The following TMEM267 variants were observed in gnomAD, a reference collection of about 807,000 sequenced individuals.
The protein encoded by TMEM267 is transmembrane protein C5orf28.
TMEM267 carries 20 observed loss-of-function variants against 19.3 expected under a neutral mutation model. The observed-to-expected ratio is 1.04, with a 90% confidence interval of 0.73 to 1.51. The LOEUF (loss-of-function observed/expected upper bound fraction) is 1.51. Among genes scored for constraint, TMEM267 ranks in the 40% most tolerant of loss-of-function variants. The pLI is 0.00. For synonymous variants in TMEM267, 88 were observed against 90.3 expected (o/e 0.97, Z 0.15); for missense variants, 242 against 261.9 (o/e 0.92, Z 0.52).
intron 1 of TMEM267, among the ~76,000 whole-genome samples, chr5:43,472,879 C>T (rs1189882943): frequency 1.3e-5 from 2 of 149,564 alleles, no homozygotes; most frequent in Non-Finnish European, 2.9e-5. Context: ...GTGGCTCACA[C>T]CTGTAATCCC....
chr5:43,449,073 T>C (rs929119901), intron 2 of TMEM267, among the ~76,000 whole-genome samples: 6 of 151,388 alleles, frequency 4.0e-5, no homozygotes, highest in Admixed American at 4.0e-4. Flanking sequence ...CAAGGGAGAA[T>C]AGGTCAAATG....
intron 1 of TMEM267, among the ~76,000 whole-genome samples, chr5:43,481,632 C>T (rs12659369): frequency 0.61 from 92,638 of 151,750 alleles, 31,097 homozygotes; most frequent in African/African-American, 0.89. Context: ...ATGCATTTTA[C>T]CAATGGAAAG....
chr5:43,484,097 T>C (rs1227280704), upstream of TMEM267: 1 of 152,190 alleles, frequency 6.6e-6, no homozygotes, highest in Non-Finnish European at 1.5e-5. Context: ...GAAAAGTGTC[T>C]TTTTAGTTTA....
intron 1 of TMEM267, among the ~76,000 whole-genome samples, chr5:43,481,570 T>A (rs1180174515): frequency 1.3e-5 from 2 of 152,122 alleles, no homozygotes; most frequent in African/African-American, 2.4e-5. Flanking sequence ...AAAAACTGTA[T>A]CACGGTTTAC....
At chr5:43,452,585 TAA>T (rs35189144) in intron 2 of TMEM267, among the ~76,000 whole-genome samples, 6 of 123,892 alleles carry the variant, frequency 4.8e-5, no homozygotes, top group African/African-American at 1.7e-4. Flanking sequence ...CCTAAATCCA[TAA>T]AAAAAAAAAA....
chr5:43,465,703 G>A (rs1179589578), intron 1 of TMEM267, among the ~76,000 whole-genome samples: 3 of 152,142 alleles, frequency 2.0e-5, no homozygotes, highest in Middle Eastern at 3.4e-3. Flanking sequence ...CTATCACAAG[G>A]ACAAAAAACC....
intron 1 of TMEM267, among the ~76,000 whole-genome samples, chr5:43,466,366 G>GA (rs915404118): frequency 1.3e-4 from 19 of 151,948 alleles, no homozygotes; most frequent in South Asian, 4.1e-4. Context: ...AGTGCTGAAG[G>GA]AAAAAAAACT....
chr5:43,450,368 T>C (rs1026933896), intron 2 of TMEM267, among the ~76,000 whole-genome samples: 1 of 152,176 alleles, frequency 6.6e-6, no homozygotes, highest in East Asian at 1.9e-4. Flanking sequence ...GAAGTAAAAA[T>C]AGATCACTGT....
intron 1 of TMEM267, among the ~76,000 whole-genome samples, chr5:43,465,949 TATA>T (rs1743636132): frequency 7.5e-6 from 1 of 134,048 alleles, no homozygotes; most frequent in Non-Finnish European, 1.6e-5. Context: ...AAACTTAAAG[TATA>T]ATAATAATAA....
chr5:43,474,154 T>C (rs1377927893), intron 1 of TMEM267, among the ~76,000 whole-genome samples: 2 of 152,080 alleles, frequency 1.3e-5, no homozygotes, highest in Admixed American at 1.3e-4. Flanking sequence ...CCTAAAACCA[T>C]AAAAACCCAA....
At chr5:43,470,960 G>A (rs1278308359) in intron 1 of TMEM267, among the ~76,000 whole-genome samples, 2 of 150,998 alleles carry the variant, frequency 1.3e-5, no homozygotes, top group South Asian at 4.2e-4. Flanking sequence ...AAATAAAATT[G>A]AAATAAAAAA....
In TMEM267 at chr5:43,447,147, C is replaced by T. The variant is rs149031228; in HGVS notation, c.313-590G>A. Reference sequence around the variant, plus strand: ...TTGCTCAGTTGCCCAGGCTGGAGTGCGGTGGCGCAATCTCGGCTCACTGCA... The same window carrying T: ...TTGCTCAGTTGCCCAGGCTGGAGTGTGGTGGCGCAATCTCGGCTCACTGCA... On this transcript the variant is annotated intron_variant, in intron 2 of 2. Coordinates refer to ENST00000397080, the MANE Select transcript of TMEM267 (RefSeq NM_022483.5). 1.2e-4 allele frequency among the ~76,000 whole-genome samples: 18 copies of T among 149,802 alleles called. No individual in the cohort carries two copies. In the East Asian group the frequency reaches 2.3e-3, roughly 20 times the overall value.
In TMEM267 at chr5:43,444,289, ATTT is replaced by A. The variant is rs896000778; in HGVS notation, c.*1930_*1932del. 3 of 152,190 alleles carry A rather than the reference ATTT, an allele frequency of 2.0e-5. No homozygotes were observed. Among genetic ancestry groups the A allele is most frequent in the Admixed American group, 1.3e-4 (2 of 15,284 alleles). 9.4% of individuals were successfully genotyped at this position (152,190 alleles called of 1,614,324 possible). On this transcript the variant is annotated 3_prime_UTR_variant, in exon 3 of 3. Coordinates refer to ENST00000397080, the MANE Select transcript of TMEM267 (RefSeq NM_022483.5). ...ATTCTTATTTATTTATTTTATGTTT[ATTT>A]TTTAAGACAGTCTCCCTCTGTCACA...
At chr5:43,449,875 T>C (rs1742476025) in intron 2 of TMEM267, among the ~76,000 whole-genome samples, 1 of 152,238 alleles carries the variant, frequency 6.6e-6, no homozygotes, top group Non-Finnish European at 1.5e-5. Flanking sequence ...TTTACAGCCA[T>C]ACTGATTCTT....
intron 1 of TMEM267, among the ~76,000 whole-genome samples, chr5:43,483,356 A>T (rs1744911794): frequency 6.6e-6 from 1 of 152,222 alleles, no homozygotes; most frequent in Admixed American, 6.5e-5. Context: ...CATTTAAAAA[A>T]ATGGGCCAGG....
chr5:43,480,050 A>C, intron 1 of TMEM267: 1 of 268,900 alleles, frequency 3.7e-6, no homozygotes, highest in South Asian at 3.2e-5. Flanking sequence ...AAGTTGATAA[A>C]ATGTCCCTTT....
At chr5:43,482,016 G>A (rs893524787) in intron 1 of TMEM267, among the ~76,000 whole-genome samples, 1 of 152,110 alleles carries the variant, frequency 6.6e-6, no homozygotes, top group Admixed American at 6.5e-5. Context: ...CTAATTTCTT[G>A]TATTTTTAGC....
At chr5:43,482,501 T>G (rs531536137) in intron 1 of TMEM267, among the ~76,000 whole-genome samples, 1 of 152,378 alleles carries the variant, frequency 6.6e-6, no homozygotes, top group African/African-American at 2.4e-5. Context: ...TCACTTTTGT[T>G]GATAAGGTTC....
At chr5:43,457,512 A>G (rs1473262200) in intron 1 of TMEM267, among the ~76,000 whole-genome samples, 2 of 152,180 alleles carry the variant, frequency 1.3e-5, no homozygotes, top group Admixed American at 6.6e-5. Flanking sequence ...CACGTTTTAC[A>G]TGGCCAGAGT....
Sources: allele counts gnomAD v4.1 joint callset (sites outside exome capture counted in the v4.1 genomes callset), GRCh38; gene constraint gnomAD v4.1.1; transcripts MANE v1.5; gene names NCBI Gene and HGNC (gene_info 2026-07-23, HGNC 2026-07-21).